Variants in LY6D observed in about 807,000 individuals in gnomAD.
LY6D encodes the protein lymphocyte antigen 6 family member D.
A neutral mutation model predicts 5.6 loss-of-function variants in LY6D; 7 were observed. The observed-to-expected ratio is 1.24, with a 90% CI of 0.71 to 2.34. The LOEUF is 2.34. LY6D is among the 30% of genes most tolerant of loss of function. The pLI is 0.00. For missense variants in LY6D, 148 were observed against 164.8 expected (o/e 0.90, Z 0.56); for synonymous variants, 81 against 75.0 (o/e 1.08, Z -0.41).
In LY6D at chr8:142,785,397, A is replaced by T; in HGVS notation, c.211T>A (p.Tyr71Asn). ...CTGCTGACCTGGCCTTGCAGGGTGTAGCTGGGTGTGCACGACTCCGCACAG... is the reference window on the plus strand; with the variant it reads ...CTGCTGACCTGGCCTTGCAGGGTGTTGCTGGGTGTGCACGACTCCGCACAG... Reference protein sequence around the residue: ...KDCAESCTPSYTLQGQVSSGT... With the variant: ...KDCAESCTPSNTLQGQVSSGT... Residue 71 changes from tyrosine to asparagine, a missense_variant, in exon 3 of 3, where the codon TAC becomes AAC. By Grantham distance (143) the Tyr-to-Asn change is moderately radical. Coordinates refer to ENST00000301263, the MANE Select transcript of LY6D (RefSeq NM_003695.3). 1 of 1,613,502 alleles carries T rather than the reference A, an allele frequency of 6.2e-7. No homozygotes were observed. The highest frequency in any genetic ancestry group is 8.5e-7 in the Non-Finnish European group (1 of 1,179,948).
chr8:142,785,287 G>C lies in LY6D; in HGVS notation c.321C>G (p.Ala107=), dbSNP rs1357622365. Reference sequence around the variant, plus strand: ...CCAGCCCCAGGCTGAGGGCACTGTGGGCGAGGGCGGTGCGGGTGGGTGCAG... The same window carrying C: ...CCAGCCCCAGGCTGAGGGCACTGTGCGCGAGGGCGGTGCGGGTGGGTGCAG... ...HNAAPTRTAL[A]HSALSLGLAL... Residue 107 remains alanine (A), a synonymous_variant, in exon 3 of 3, where the codon GCC becomes GCG. Transcript: ENST00000301263. 1 of 1,613,246 alleles carries C rather than the reference G, an allele frequency of 6.2e-7. No homozygotes were observed. The highest frequency in any genetic ancestry group is 8.5e-7 in the Non-Finnish European group (1 of 1,179,828).
chr8:142,786,036 C>T, intron 1 of LY6D: 1 of 1,207,978 alleles, frequency 8.3e-7, no homozygotes, highest in Non-Finnish European at 1.0e-6. Flanking sequence ...GGCTATGTTT[C>T]TGAGGGCCTG....
Position 142,786,462 on chromosome 8 carries a change from C to T in LY6D, c.52+3G>A, listed in dbSNP as rs1416945325. 1.3e-6 allele frequency: 2 copies of T among 1,546,090 alleles called. No individual in the cohort carries two copies. Among genetic ancestry groups the T allele is most frequent in the Non-Finnish European group, 1.7e-6 (2 of 1,144,552 alleles). On this transcript the variant is annotated splice_donor_region_variant and intron_variant, in intron 1 of 2. Transcript: ENST00000301263. ...CGCCCGTCCCCTTGGCCCAGCCCCTCACCTGGCCCTGTAGCCACAGCCAGG... is the reference window on the plus strand; with the variant it reads ...CGCCCGTCCCCTTGGCCCAGCCCCTTACCTGGCCCTGTAGCCACAGCCAGG...
Position 142,785,076 on chromosome 8 carries a change from C to T in LY6D, c.*145G>A. On this transcript the variant is annotated 3_prime_UTR_variant, in exon 3 of 3. Coordinates refer to ENST00000301263, the MANE Select transcript of LY6D (RefSeq NM_003695.3). ...GGCCTGCTCCAAGTCATCAGCATTC[C>T]ATGCCCACCTGGACCTGGTCCCAGA... 1.5e-6 allele frequency: 1 copy of T among 656,382 alleles called. No individual in the cohort carries two copies. The highest frequency in any genetic ancestry group is 2.6e-6 in the Non-Finnish European group (1 of 388,312). 40.7% of individuals were successfully genotyped at this position (656,382 alleles called of 1,614,324 possible). A position where few individuals can be genotyped will look rare whatever the true frequency, so the allele number is the denominator to read the frequency against.
Position 142,785,695 on chromosome 8 carries a change from G to A in LY6D, c.53-8C>T, listed in dbSNP as rs1182293088. ...GGCAGCGCAGGGTAAGGGCTGGCGGGGAGGGAGTCCGGCTCAGCGGGCCCA... is the reference window on the plus strand; with the variant it reads ...GGCAGCGCAGGGTAAGGGCTGGCGGAGAGGGAGTCCGGCTCAGCGGGCCCA... On this transcript the variant is annotated splice_region_variant and splice_polypyrimidine_tract_variant and intron_variant, in intron 1 of 2. Coordinates refer to ENST00000301263, the MANE Select transcript of LY6D (RefSeq NM_003695.3). 6.2e-7 allele frequency: 1 copy of A among 1,613,146 alleles called. No individual in the cohort carries two copies. The highest frequency in any genetic ancestry group is 8.5e-7 in the Non-Finnish European group (1 of 1,179,880).
intron 1 of LY6D, 74 bp from the exon 2 acceptor site, chr8:142,785,761 C>A: frequency 6.3e-7 from 1 of 1,578,174 alleles, no homozygotes; most frequent in African/African-American, 1.3e-5. Context: ...TGCTCCCCCA[C>A]CTGCAGAGAC....
At chr8:142,786,187 C>G in intron 1 of LY6D, 1 of 1,285,118 alleles carries the variant, frequency 7.8e-7, no homozygotes, top group Non-Finnish European at 9.8e-7. Flanking sequence ...ACTAGATGGC[C>G]GCTCTCCCAG....
chr8:142,785,835 G>A lies in LY6D; in HGVS notation c.53-148C>T, dbSNP rs116976423. On this transcript the variant is annotated intron_variant, in intron 1 of 2. Transcript: ENST00000301263. ...CCCCAAACCCGGGCTCTGGGTCCTG[G>A]CAGGGCATGTGCCCTGAGTGCAGCC... 2.8e-5 allele frequency: 41 copies of A among 1,452,980 alleles called. No individual in the cohort carries two copies. The East Asian group carries it at 5.2e-4, about 19-fold the overall frequency. 90.0% of individuals were successfully genotyped at this position (1,452,980 alleles called of 1,614,324 possible).
At position 142,785,296 on chromosome 8, in the gene LY6D, G is replaced by A. The variant is rs184518892; in HGVS notation, c.312C>T (p.Thr104=). 1.0e-3 allele frequency: 1,607 copies of A among 1,613,478 alleles called. 28 individuals are homozygous for A. The East Asian group carries it at 0.033, about 33-fold the overall frequency. Residue 104 remains threonine (T), a synonymous_variant, in exon 3 of 3, where the codon ACC becomes ACT. Transcript: ENST00000301263. ...GGCTGAGGGCACTGTGGGCGAGGGC[G>A]GTGCGGGTGGGTGCAGCGTTGTGCA... ...EKLHNAAPTR[T]ALAHSALSLG...
At chr8:142,785,785 A>G (rs1815645649) in intron 1 of LY6D, 98 bp from the exon 2 acceptor site, 1 of 1,527,404 alleles carries the variant, frequency 6.5e-7, no homozygotes, top group East Asian at 2.4e-5. Context: ...TCCTGGACAG[A>G]GGCCCTGCTG....
intron 1 of LY6D, 35 bp downstream of exon 1, chr8:142,786,430 G>GGCCCCCCCCCCCCCCCCCAGGGCCCCCC: frequency 2.8e-6 from 4 of 1,434,844 alleles, no homozygotes; most frequent in Non-Finnish European, 2.8e-6. Flanking sequence ...GGCCACAGCC[G>GGCCCCCCCCCCCCCCCCCAGGGCCCCCC]CCCACCCGCC....
intron 2 of LY6D, 48 bp from the exon 3 acceptor site, chr8:142,785,504 C>T: frequency 6.3e-7 from 1 of 1,599,070 alleles, no homozygotes; most frequent in Non-Finnish European, 8.6e-7. Context: ...CTCTGCCCCC[C>T]ACCTCCCCAC....
intron 1 of LY6D, 126 bp from the exon 2 acceptor site, chr8:142,785,813 C>A (rs918430338): frequency 9.5e-6 from 14 of 1,471,126 alleles, no homozygotes; most frequent in Non-Finnish European, 1.1e-5. Flanking sequence ...CCTAGGCCCC[C>A]AAACCCGGGC....
intron 1 of LY6D, chr8:142,786,190 T>G (rs1421602617): frequency 1.6e-6 from 2 of 1,288,042 alleles, no homozygotes; most frequent in African/African-American, 1.5e-5. Context: ...AGATGGCCGC[T>G]CTCCCAGTGA....
At chr8:142,785,504 C>G (rs548847259) in intron 2 of LY6D, 48 bp from the exon 3 acceptor site, 20 of 1,598,952 alleles carry the variant, frequency 1.3e-5, no homozygotes, top group Non-Finnish European at 1.7e-5. Flanking sequence ...CTCTGCCCCC[C>G]ACCTCCCCAC....
In LY6D at chr8:142,785,660, G is replaced by C. The variant is rs1815643159; in HGVS notation, c.80C>G (p.Thr27Ser). The change falls in exon 2 of 3, where the codon ACC becomes AGC. Residue 27 changes from threonine to serine, a missense_variant. Coordinates refer to ENST00000301263, the MANE Select transcript of LY6D (RefSeq NM_003695.3). ...AGAATGCTTGCAGTTGCTGGAGCTG[G>C]TGCACACGTGGCAGCGCAGGGTAAG... ...PALTLRCHVC[T>S]SSSNCKHSVV... is the part of the protein sequence containing the mutation. The C allele has an allele frequency of 6.2e-7, 1 of 1,613,554 alleles. No individual in the cohort carries two copies. The highest frequency in any genetic ancestry group is 1.3e-5 in the African/African-American group (1 of 74,930).
intron 1 of LY6D, 41 bp downstream of exon 1, chr8:142,786,424 A>G: frequency 6.5e-7 from 1 of 1,530,508 alleles, no homozygotes; most frequent in Admixed American, 2.1e-5. Flanking sequence ...CACACAGGCC[A>G]CAGCCGCCCA....
chr8:142,785,831 C>A, intron 1 of LY6D, 144 bp from the exon 2 acceptor site: 2 of 1,454,976 alleles, frequency 1.4e-6, no homozygotes, highest in South Asian at 1.4e-5. Context: ...GGCTCTGGGT[C>A]CTGGCAGGGC....
intron 1 of LY6D, chr8:142,786,221 C>T: frequency 7.4e-7 from 1 of 1,344,294 alleles, no homozygotes; most frequent in South Asian, 2.0e-5. Flanking sequence ...AAGACAACCC[C>T]CTGCTCCACT....
Sources: allele counts gnomAD v4.1 joint callset, GRCh38; gene constraint gnomAD v4.1.1; transcripts MANE v1.5; gene names NCBI Gene and HGNC (gene_info 2026-07-23, HGNC 2026-07-21).